The following DENND4A variants were observed in gnomAD, a reference collection of about 807,000 sequenced individuals.
DENND4A encodes DENN domain containing 4A.
In DENND4A, 70 loss-of-function variants were observed where a neutral mutation model predicts 199.3. The ratio of observed to expected loss-of-function variants is 0.35; its 90% confidence interval spans 0.29 to 0.43. The LOEUF is 0.43. Ranked by LOEUF, DENND4A falls within the 20% of genes least tolerant of loss-of-function variation. DENND4A has a pLI of 1.00. For missense variants in DENND4A, 1,723 were observed against 2,255.8 expected (o/e 0.76, Z 4.78); for synonymous variants, 686 against 766.9 (o/e 0.89, Z 1.74).
At chr15:65,725,977 T>A (rs374873013) in intron 11 of DENND4A, 21 of 152,138 alleles carry the variant, frequency 1.4e-4, no homozygotes, top group African/African-American at 5.1e-4. Flanking sequence ...GCTAGTCTAG[T>A]CCTCCACCGG....
chr15:65,718,431 A>G (rs1212936089), intron 12 of DENND4A, among the ~76,000 whole-genome samples: 1 of 152,188 alleles, frequency 6.6e-6, no homozygotes, highest in Non-Finnish European at 1.5e-5. Flanking sequence ...AATAGAATAT[A>G]AGAAAGCTGT....
intron 24 of DENND4A, 143 bp downstream of exon 24, chr15:65,676,299 TTGG>T (rs2076382021): frequency 1.4e-6 from 1 of 692,696 alleles, no homozygotes; most frequent in African/African-American, 1.8e-5. Context: ...TGAAAGTGCC[TTGG>T]TTTTATTGTT....
intron 14 of DENND4A, chr15:65,715,058 A>G (rs1460510836): frequency 1.3e-5 from 2 of 157,580 alleles, no homozygotes; most frequent in East Asian, 1.9e-4. Flanking sequence ...TAAGCTACGA[A>G]CTCATTCGCA....
intron 20 of DENND4A, 35 bp from the exon 21 acceptor site, chr15:65,697,418 A>T: frequency 2.2e-6 from 3 of 1,346,630 alleles, no homozygotes; most frequent in Non-Finnish European, 3.1e-6. Context: ...ACTCTATTAG[A>T]AACTTCTTTA....
At chr15:65,682,740 G>A (rs2076622796) in intron 23 of DENND4A, among the ~76,000 whole-genome samples, 1 of 152,130 alleles carries the variant, frequency 6.6e-6, no homozygotes, top group South Asian at 2.1e-4. Context: ...TTGATTTAAA[G>A]TGAAAAATGT....
rs200193901 is a variant in DENND4A, at chr15:65,661,928, T to G, written c.5647A>C (p.Ser1883Arg). 6.2e-7 allele frequency: 1 copy of G among 1,613,258 alleles called. No individual in the cohort carries two copies. The highest frequency in any genetic ancestry group is 1.3e-5 in the African/African-American group (1 of 74,938). Reference protein sequence around the residue: ...YDRLTPSQVKSTHNCDRPPST... With the variant: ...YDRLTPSQVKRTHNCDRPPST... ...GGTGGTCTATCACAGTTGTGTGTAC[T>G]CTTGACTTGACTAGGTGTGAGACGA... The change falls in exon 33 of 33, where the codon AGT (serine) becomes CGT (arginine). Residue 1883 changes from serine (S) to arginine (R), a missense_variant. Physicochemically the swap from Ser to Arg is moderately radical, Grantham distance 110. Transcript: ENST00000443035.
At chr15:65,731,848 T>C (rs1037083290) in intron 8 of DENND4A, 148 bp from the exon 9 acceptor site, 1 of 558,690 alleles carries the variant, frequency 1.8e-6, no homozygotes, top group African/African-American at 1.9e-5. Context: ...TATCACTCAC[T>C]AAGATCTTGA....
intron 15 of DENND4A, among the ~76,000 whole-genome samples, chr15:65,705,434 T>C (rs1397605424): frequency 6.6e-6 from 1 of 152,200 alleles, no homozygotes; most frequent in Non-Finnish European, 1.5e-5. Context: ...GGGAACTAAA[T>C]AATGCATTCA....
At chr15:65,788,957 C>T (rs193057835) in intron 1 of DENND4A, among the ~76,000 whole-genome samples, 10 of 151,444 alleles carry the variant, frequency 6.6e-5, no homozygotes, top group South Asian at 2.1e-4. Context: ...GGGATAACAT[C>T]TCTTACTATT....
In DENND4A at chr15:65,668,142, A is replaced by C. The variant is rs1283471467; in HGVS notation, c.4788-19T>G. The C allele has an allele frequency of 6.5e-7, 1 of 1,548,482 alleles. No homozygotes were observed. The highest frequency in any genetic ancestry group is 2.2e-5 in the Admixed American group (1 of 46,270). ...AGATTTGCTTGGGAATTGAAAAAAG[A>C]AGAAAGTGTATCAGTGTCTAGATTT... On this transcript the variant is annotated intron_variant, in intron 27 of 32. Transcript: ENST00000443035.
chr15:65,665,372 G>A lies in DENND4A; in HGVS notation c.5332C>T (p.Pro1778Ser). The A allele has an allele frequency of 6.2e-7, 1 of 1,613,606 alleles. No individual in the cohort carries two copies. The highest frequency in any genetic ancestry group is 8.5e-7 in the Non-Finnish European group (1 of 1,179,664). ...NMKLHQDPGQ[P>S]LYILWNAHTQ... ...TGTGCATTCCAGAGAATGTACAAGG[G>A]CTGTCCCGGATCCTGATGTAACTTC... The change falls in exon 30 of 33, where the codon CCC becomes TCC. Residue 1778 changes from proline to serine, a missense_variant. Around this residue, in one of 6 missense-constraint regions of DENND4A, gnomAD observed 164 missense variants for 280.1 expected, o/e 0.59. Coordinates refer to ENST00000443035, the MANE Select transcript of DENND4A (RefSeq NM_001320835.1).
At chr15:65,744,528 T>C (rs920633173) in intron 4 of DENND4A, among the ~76,000 whole-genome samples, 2 of 152,116 alleles carry the variant, frequency 1.3e-5, no homozygotes, top group Non-Finnish European at 2.9e-5. Context: ...CCATTTTACA[T>C]ATAATAACAA....
At chr15:65,694,307 G>A (rs1257391349) in intron 22 of DENND4A, among the ~76,000 whole-genome samples, 2 of 152,136 alleles carry the variant, frequency 1.3e-5, no homozygotes, top group Non-Finnish European at 2.9e-5. Flanking sequence ...AAATTAGCCA[G>A]GCGTGGTGGC....
chr15:65,667,682 G>A lies in DENND4A; in HGVS notation c.5008C>T (p.His1670Tyr), dbSNP rs764650591. The A allele has an allele frequency of 5.1e-5, 83 of 1,613,562 alleles. No homozygotes were observed. The highest frequency in any genetic ancestry group is 6.5e-5 in the Non-Finnish European group (77 of 1,179,834). ...GATDSLGLEW[H>Y]LPSPDPVTVP... Reference sequence around the variant, plus strand: ...GTGACAGGATCGGGACTTGGAAGGTGCCATTCTAAACCTAAAGAATCCTGT... The same window carrying A: ...GTGACAGGATCGGGACTTGGAAGGTACCATTCTAAACCTAAAGAATCCTGT... Residue 1670 changes from histidine (H) to tyrosine (Y), a missense_variant, in exon 29 of 33, where the codon CAC (histidine) becomes TAC (tyrosine). His to Tyr is a moderately conservative substitution (Grantham distance 83). Coordinates refer to ENST00000443035, the MANE Select transcript of DENND4A (RefSeq NM_001320835.1).
intron 1 of DENND4A, chr15:65,766,717 A>C (rs767443608): frequency 4.6e-5 from 7 of 152,212 alleles, no homozygotes; most frequent in Non-Finnish European, 8.8e-5. Context: ...GCAGAGAGTG[A>C]TCATCCATTA....
At position 65,756,243 on chromosome 15, in the gene DENND4A, G is replaced by T; in HGVS notation, c.208C>A (p.Pro70Thr). Residue 70 changes from proline (P) to threonine (T), a missense_variant, in exon 3 of 33, where the codon CCA (proline) becomes ACA (threonine). Around this residue, in one of 6 missense-constraint regions of DENND4A, gnomAD observed 725 missense variants for 952.9 expected, o/e 0.76. Coordinates refer to ENST00000443035, the MANE Select transcript of DENND4A (RefSeq NM_001320835.1). ...TTAAGATCAGCTGACAATCCAGTTG[G>T]GGTAACATCAATACAGATATAATCC... The part of the protein sequence containing the change: ...PQDYICIDVT[P>T]TGLSADLNNG... 1 of 1,612,604 alleles carries T rather than the reference G, an allele frequency of 6.2e-7. No individual in the cohort carries two copies. The highest frequency in any genetic ancestry group is 8.5e-7 in the Non-Finnish European group (1 of 1,179,232).
At chr15:65,754,861 T>C (rs545264496) in intron 3 of DENND4A, among the ~76,000 whole-genome samples, 10 of 152,330 alleles carry the variant, frequency 6.6e-5, no homozygotes, top group Non-Finnish European at 8.8e-5. Flanking sequence ...CCTTAAAAGA[T>C]TGAACATGGA....
intron 14 of DENND4A, among the ~76,000 whole-genome samples, chr15:65,708,662 G>A (rs956060189): frequency 4.7e-5 from 7 of 150,270 alleles, no homozygotes; most frequent in African/African-American, 1.7e-4. Context: ...ACCCACAGCA[G>A]GATAAAATTA....
chr15:65,672,020 AAACAAATAAATAATG>A, intron 24 of DENND4A, 134 bp from the exon 25 acceptor site: 1 of 635,428 alleles, frequency 1.6e-6, no homozygotes, highest in Non-Finnish European at 2.8e-6. Context: ...TAATTAGGAA[AAACAAATAAATAATG>A]AACAAGATTT....
Sources: allele counts gnomAD v4.1 joint callset (sites outside exome capture counted in the v4.1 genomes callset), GRCh38; gene constraint gnomAD v4.1.1; regional missense constraint gnomAD v4.1.1; transcripts MANE v1.5; gene names NCBI Gene and HGNC (gene_info 2026-07-23, HGNC 2026-07-21).